Variants in ABCG1 observed in about 807,000 individuals in gnomAD.
ABCG1 encodes the protein ATP binding cassette subfamily G member 1.
In ABCG1, 29 loss-of-function variants were observed where a neutral mutation model predicts 69.2. The ratio of observed to expected loss-of-function variants is 0.42; its 90% CI spans 0.31 to 0.57. ABCG1 has a LOEUF of 0.57. Among genes scored for constraint, ABCG1 ranks in the 20% least tolerant of loss-of-function variants. The probability of loss-of-function intolerance (pLI) is 0.15; values close to 1 mark genes in which losing one functional copy is unlikely to be tolerated. For missense variants in ABCG1, 718 were observed against 898.1 expected (o/e 0.80, Z 2.56); for synonymous variants, 370 against 374.8 (o/e 0.99, Z 0.15).
intron 2 of ABCG1, chr21:42,259,336 T>A: frequency 7.1e-6 from 11 of 1,549,758 alleles, no homozygotes; most frequent in Non-Finnish European, 9.6e-6. Flanking sequence ...CATGTACAGG[T>A]GGCAGCTTTA....
At chr21:42,221,170 T>C (rs985824935) in intron 1 of ABCG1, 2 of 152,168 alleles carry the variant, frequency 1.3e-5, no homozygotes, top group African/African-American at 2.4e-5. Context: ...AACATTTCTA[T>C]TCATGCACAG....
At chr21:42,281,579 C>G (rs890297698) in intron 5 of ABCG1, among the ~76,000 whole-genome samples, 1 of 152,226 alleles carries the variant, frequency 6.6e-6, no homozygotes, top group Admixed American at 6.5e-5. Context: ...GTCATGACTG[C>G]TTTGAGGGGT....
chr21:42,231,303 C>T (rs554202330), intron 2 of ABCG1, among the ~76,000 whole-genome samples: 1 of 152,176 alleles, frequency 6.6e-6, no homozygotes, highest in Non-Finnish European at 1.5e-5. Context: ...GGCTTTAGAG[C>T]GTTTTCTTTC....
Position 42,276,121 on chromosome 21 carries a change from C to T in ABCG1, c.538-774C>T, listed in dbSNP as rs997411533. On this transcript the variant is annotated intron_variant, in intron 4 of 14. Coordinates refer to ENST00000398449, the MANE Select transcript of ABCG1 (RefSeq NM_016818.3). This position sits in a 1 kb window ranked among gnomAD's most constrained non-coding sequence, Gnocchi z 5.3. ...TGCCAGTGAGGAAATGGAGGTTGCA[C>T]GTTTGCCCAAGGCCACGGGAGGCAG... 6.6e-6 allele frequency among the ~76,000 whole-genome samples: 1 copy of T among 152,092 alleles called. No individual in the cohort carries two copies. Among genetic ancestry groups the T allele is most frequent in the South Asian group, 2.1e-4 (1 of 4,824 alleles).
intron 1 of ABCG1, among the ~76,000 whole-genome samples, chr21:42,221,671 T>C (rs1162578899): frequency 6.6e-6 from 1 of 152,210 alleles, no homozygotes; most frequent in Non-Finnish European, 1.5e-5. Flanking sequence ...TGCATTTTCC[T>C]CTTATGTGCT....
intron 2 of ABCG1, among the ~76,000 whole-genome samples, chr21:42,237,825 A>G (rs1245070060): frequency 1.3e-5 from 2 of 152,214 alleles, no homozygotes; most frequent in Non-Finnish European, 2.9e-5. Context: ...TTGGCCGCAC[A>G]GCACCGTGGA....
chr21:42,226,545 G>A (rs1439262391), intron 2 of ABCG1, among the ~76,000 whole-genome samples: 1 of 152,206 alleles, frequency 6.6e-6, no homozygotes, highest in East Asian at 1.9e-4. Context: ...GGAAATTGAT[G>A]AGTGGTAGTT....
chr21:42,237,502 A>T (rs184894664), intron 2 of ABCG1, among the ~76,000 whole-genome samples: 129 of 152,280 alleles, frequency 8.5e-4, no homozygotes, highest in African/African-American at 3.0e-3. Context: ...CCCTACGATC[A>T]TGGGATTATG....
chr21:42,294,755 G>C, intron 14 of ABCG1, 95 bp downstream of exon 14: 1 of 1,142,632 alleles, frequency 8.8e-7, no homozygotes, highest in Non-Finnish European at 1.3e-6. Flanking sequence ...GCCACTCTGG[G>C]CTGCTGGCCA....
Position 42,248,686 on chromosome 21 carries a change from G to A in ABCG1, c.287-22384G>A, listed in dbSNP as rs181764143. Among the ~76,000 whole-genome samples the A allele has an allele frequency of 2.2e-4, 33 of 151,946 alleles. No homozygotes were observed. In the East Asian group the frequency reaches 4.1e-3, roughly 19 times the overall value. ...GTGAATTGTTTGAGCCCAGGAGTTC[G>A]AGAGCAGCCTGGGCAACATGGCGAA... On this transcript the variant is annotated intron_variant, in intron 2 of 14. Coordinates refer to ENST00000398449, the MANE Select transcript of ABCG1 (RefSeq NM_016818.3).
chr21:42,293,950 A>ACCACACACACACT (rs148484065), intron 13 of ABCG1, among the ~76,000 whole-genome samples: 83 of 147,140 alleles, frequency 5.6e-4, no homozygotes, highest in Middle Eastern at 3.5e-3. Context: ...CACCGCCCAC[A>ACCACACACACACT]CCACACACAC....
chr21:42,279,010 C>T (rs1024638095), intron 5 of ABCG1, among the ~76,000 whole-genome samples: 4 of 152,046 alleles, frequency 2.6e-5, no homozygotes, highest in Non-Finnish European at 5.9e-5. Flanking sequence ...CTGCTCCTCC[C>T]GAAGCCTGGA....
At chr21:42,246,570 G>A (rs528804785) in intron 2 of ABCG1, among the ~76,000 whole-genome samples, 40 of 152,296 alleles carry the variant, frequency 2.6e-4, no homozygotes, top group African/African-American at 7.7e-4. Flanking sequence ...AGTAACAAAT[G>A]TAATTTCAAG....
intron 2 of ABCG1, among the ~76,000 whole-genome samples, chr21:42,252,537 G>A (rs1181572976): frequency 1.3e-5 from 2 of 152,238 alleles, no homozygotes; most frequent in East Asian, 1.9e-4. Context: ...TCGTTGTCCT[G>A]TTTGAGACTC....
At chr21:42,242,310 C>T (rs371435895) in intron 2 of ABCG1, among the ~76,000 whole-genome samples, 67 of 152,330 alleles carry the variant, frequency 4.4e-4, no homozygotes, top group African/African-American at 1.4e-3. Context: ...CCAAGGCCAG[C>T]CTCAGCAACA....
In ABCG1 at chr21:42,225,230, C is replaced by T. The variant is rs771328895; in HGVS notation, c.43-441C>T. On this transcript the variant is annotated intron_variant, in intron 1 of 14. Transcript: ENST00000398449. ...CTCCTGAGACATTTTTATGAGATTA[C>T]GCGAGAAAGGCACAAAACAGCTCAG... Among the ~76,000 whole-genome samples the T allele has an allele frequency of 5.3e-5, 8 of 152,106 alleles. No homozygotes were observed. In the East Asian group the frequency reaches 5.8e-4, roughly 11 times the overall value.
chr21:42,281,158 T>TG (rs1411676731), intron 5 of ABCG1, among the ~76,000 whole-genome samples: 1 of 152,130 alleles, frequency 6.6e-6, no homozygotes, highest in Non-Finnish European at 1.5e-5. Context: ...AAGCTCAGAG[T>TG]GGAAATTTTC....
intron 1 of ABCG1, among the ~76,000 whole-genome samples, chr21:42,200,630 T>A (rs553446446): frequency 2.7e-4 from 40 of 148,930 alleles, no homozygotes; most frequent in African/African-American, 9.6e-4. Flanking sequence ...TCTCCCTCTG[T>A]TGCACTGGAG....
rs565750386 is a variant in ABCG1 at position 42,202,844 on chromosome 21, C to T, written c.48+1121C>T. ...CTCAGGCTGGTCTTGAACTCCTGGG[C>T]TCAAGCGATCCTCTGGCCTCAGCCT... On this transcript the variant is annotated intron_variant, in intron 2 of 15. Transcript: ENST00000398457. 2.6e-5 allele frequency among the ~76,000 whole-genome samples: 4 copies of T among 152,286 alleles called. No homozygotes were observed. The East Asian group carries it at 7.7e-4, about 29-fold the overall frequency.
Sources: gnomAD v4.1 joint callset for allele counts (sites outside exome capture counted in the v4.1 genomes callset) on GRCh38, gnomAD v4.1.1 for gene constraint, Gnocchi (gnomAD v3.1) non-coding constraint, MANE v1.5 for transcripts, NCBI Gene and HGNC (gene_info 2026-07-23, HGNC 2026-07-21) for gene names.